The following TRABD2A variants were observed in gnomAD, a reference collection of about 807,000 sequenced individuals.
TRABD2A encodes metalloprotease TIKI1.
TRABD2A carries 43 observed loss-of-function variants against 45.6 expected under a neutral mutation model. The ratio of observed to expected loss-of-function variants is 0.94; its 90% confidence interval spans 0.74 to 1.22. TRABD2A has a LOEUF of 1.22. TRABD2A is among the 50% of genes most tolerant of loss of function. TRABD2A has a pLI of 0.00. For missense variants in TRABD2A, 642 were observed against 652.4 expected (o/e 0.98, Z 0.17); for synonymous variants, 269 against 265.0 (o/e 1.02, Z -0.15).
intron 4 of TRABD2A, chr2:84,838,926 G>C: frequency 1.9e-6 from 1 of 530,366 alleles, no homozygotes; most frequent in Non-Finnish European, 3.3e-6. Flanking sequence ...GAGAGCTATG[G>C]GTGATGTCAC....
chr2:84,855,808 G>A (rs1233038024), intron 2 of TRABD2A, among the ~76,000 whole-genome samples: 2 of 152,128 alleles, frequency 1.3e-5, no homozygotes, highest in African/African-American at 2.4e-5. Flanking sequence ...TCCCAGTTGG[G>A]GCATTGTTGC....
chr2:84,854,664 A>ACCTCTCCT (rs1682213178), intron 2 of TRABD2A, among the ~76,000 whole-genome samples: 1 of 152,032 alleles, frequency 6.6e-6, no homozygotes, highest in Non-Finnish European at 1.5e-5. Context: ...TCTAAAGCCA[A>ACCTCTCCT]CCTCTCCTCA....
chr2:84,858,049 A>T (rs897636362), intron 2 of TRABD2A, among the ~76,000 whole-genome samples: 2 of 151,994 alleles, frequency 1.3e-5, no homozygotes, highest in African/African-American at 4.8e-5. Context: ...CTAATGTTTC[A>T]CTTTTTGTAG....
At chr2:84,861,875 G>C (rs1051477159) in intron 2 of TRABD2A, among the ~76,000 whole-genome samples, 1 of 152,224 alleles carries the variant, frequency 6.6e-6, no homozygotes, top group African/African-American at 2.4e-5. Flanking sequence ...TCTCCTGTTA[G>C]GATTCCTCAT....
chr2:84,829,182 C>T (rs1402195411), intron 5 of TRABD2A, among the ~76,000 whole-genome samples: 2 of 152,066 alleles, frequency 1.3e-5, no homozygotes, highest in African/African-American at 4.8e-5. Flanking sequence ...TGGCTACCAC[C>T]TGATGATCCA....
intron 2 of TRABD2A, among the ~76,000 whole-genome samples, chr2:84,857,652 T>A (rs1196090173): frequency 6.6e-6 from 1 of 152,168 alleles, no homozygotes; most frequent in East Asian, 1.9e-4. Context: ...ACAATCACTA[T>A]CAAGTCCACA....
chr2:84,865,099 C>G (rs1473408766), intron 2 of TRABD2A, among the ~76,000 whole-genome samples: 2 of 152,170 alleles, frequency 1.3e-5, no homozygotes, highest in Non-Finnish European at 2.9e-5. Flanking sequence ...AGGTGACCGA[C>G]CAAACTAAAG....
Position 84,866,204 on chromosome 2 carries a change from C to T in TRABD2A, c.669+4021G>A, listed in dbSNP as rs755938095. Among the ~76,000 whole-genome samples the T allele has an allele frequency of 7.2e-5, 11 of 152,328 alleles. No homozygotes were observed. In the South Asian group the frequency reaches 1.5e-3, roughly 20 times the overall value. ...AGGTAACAGGGAGGAGTGGGGACTG[C>T]GGCCAAACTGGAAAGACAATATTGG... On this transcript the variant is annotated intron_variant, in intron 2 of 6. Transcript: ENST00000409520.
At chr2:84,843,254 G>A (rs1304263447) in intron 2 of TRABD2A, among the ~76,000 whole-genome samples, 13 of 152,014 alleles carry the variant, frequency 8.6e-5, no homozygotes, top group African/African-American at 3.1e-4. Flanking sequence ...ACTCTTTGCT[G>A]CAATACAGAC....
intron 1 of TRABD2A, among the ~76,000 whole-genome samples, chr2:84,874,209 TG>T (rs540996106): frequency 1.4e-4 from 21 of 152,368 alleles, no homozygotes; most frequent in Non-Finnish European, 2.5e-4. Flanking sequence ...CAACTATTAC[TG>T]GTCTAGAAAT....
intron 4 of TRABD2A, chr2:84,832,460 T>C (rs1230332270): frequency 3.1e-6 from 1 of 326,882 alleles, no homozygotes; most frequent in African/African-American, 2.1e-5. Flanking sequence ...GAAGAGGTGA[T>C]ATGTGAGCAG....
intron 3 of TRABD2A, among the ~76,000 whole-genome samples, chr2:84,840,254 C>T (rs1229499235): frequency 1.3e-5 from 2 of 152,126 alleles, no homozygotes; most frequent in African/African-American, 4.8e-5. Flanking sequence ...ATTTTCAAAT[C>T]GACAGCCTTC....
At chr2:84,866,068 C>T (rs1057331677) in intron 2 of TRABD2A, among the ~76,000 whole-genome samples, 3 of 152,246 alleles carry the variant, frequency 2.0e-5, no homozygotes, top group African/African-American at 7.2e-5. Flanking sequence ...AGGGTCCTAA[C>T]CTGTTGCCAG....
At chr2:84,858,207 T>C (rs1682378551) in intron 2 of TRABD2A, among the ~76,000 whole-genome samples, 1 of 152,074 alleles carries the variant, frequency 6.6e-6, no homozygotes, top group Non-Finnish European at 1.5e-5. Flanking sequence ...ATAGCTTCTG[T>C]ATAGCCGTTC....
intron 5 of TRABD2A, among the ~76,000 whole-genome samples, chr2:84,826,317 C>T (rs1476309640): frequency 6.6e-6 from 1 of 152,152 alleles, no homozygotes. Flanking sequence ...GTAGCCAAGG[C>T]CAGGGCTTAA....
intron 2 of TRABD2A, among the ~76,000 whole-genome samples, chr2:84,845,528 G>T (rs937167389): frequency 6.6e-6 from 1 of 151,546 alleles, no homozygotes; most frequent in Admixed American, 6.6e-5. Context: ...GGTCCTCAAG[G>T]ACCAGAAGGC....
At chr2:84,860,592 AC>A (rs1166904135) in intron 2 of TRABD2A, among the ~76,000 whole-genome samples, 1 of 152,138 alleles carries the variant, frequency 6.6e-6, no homozygotes, top group Non-Finnish European at 1.5e-5. Context: ...ACTAATACAA[AC>A]CCTCATGTCC....
chr2:84,870,170 A>C (rs1682823573), intron 2 of TRABD2A, 55 bp downstream of exon 2: 32 of 1,502,580 alleles, frequency 2.1e-5, no homozygotes, highest in Non-Finnish European at 2.9e-5. Flanking sequence ...GAAACTCAAC[A>C]GATTCACCCA....
chr2:84,873,272 C>T (rs1381320491), intron 1 of TRABD2A, among the ~76,000 whole-genome samples: 2 of 151,542 alleles, frequency 1.3e-5, no homozygotes, highest in Non-Finnish European at 2.9e-5. Flanking sequence ...AAAAATTAGC[C>T]GGACATGGTG....
Sources: gnomAD v4.1 joint callset for allele counts (sites outside exome capture counted in the v4.1 genomes callset) on GRCh38, gnomAD v4.1.1 for gene constraint, MANE v1.5 for transcripts, NCBI Gene and HGNC (gene_info 2026-07-23, HGNC 2026-07-21) for gene names.